PDS5B: variants seen among roughly 807,000 people sequenced by gnomAD.
The protein encoded by PDS5B is PDS5 cohesin associated factor B.
In PDS5B, 51 loss-of-function variants were observed where a neutral mutation model predicts 184.1. The observed-to-expected ratio is 0.28, with a 90% CI of 0.22 to 0.35. PDS5B has a LOEUF of 0.35. Among genes scored for constraint, PDS5B ranks in the 10% least tolerant of loss-of-function variants. PDS5B has a pLI of 1.00. For missense variants in PDS5B, 1,180 were observed against 1,723.3 expected (o/e 0.68, Z 5.58); for synonymous variants, 566 against 569.2 (o/e 0.99, Z 0.08).
intron 18 of PDS5B, among the ~76,000 whole-genome samples, chr13:32,707,987 A>G (rs1400039582): frequency 6.6e-6 from 1 of 151,892 alleles, no homozygotes; most frequent in Non-Finnish European, 1.5e-5. Flanking sequence ...TCAGTTTACC[A>G]TTGCTATGGC....
chr13:32,673,142 T>C (rs953852290), intron 7 of PDS5B, 74 bp from the exon 8 acceptor site: 1 of 1,314,840 alleles, frequency 7.6e-7, no homozygotes, highest in African/African-American at 1.5e-5. Context: ...ATGAATTTGG[T>C]CAAATAAGAT....
intron 7 of PDS5B, among the ~76,000 whole-genome samples, chr13:32,672,191 A>G (rs1052113502): frequency 1.3e-5 from 2 of 152,204 alleles, no homozygotes; most frequent in Non-Finnish European, 2.9e-5. Flanking sequence ...TTTTTCATCA[A>G]AAATAAAAAA....
intron 1 of PDS5B, among the ~76,000 whole-genome samples, chr13:32,588,169 T>C (rs2057720896): frequency 6.6e-6 from 1 of 152,174 alleles, no homozygotes; most frequent in African/African-American, 2.4e-5. Context: ...GACAATAAAA[T>C]GAGTATTCAA....
chr13:32,744,452 A>G (rs1395733372), intron 23 of PDS5B, among the ~76,000 whole-genome samples: 2 of 152,174 alleles, frequency 1.3e-5, no homozygotes, highest in African/African-American at 2.4e-5. Flanking sequence ...TTGCATTCCT[A>G]TTTAAGCAAA....
chr13:32,716,237 A>G (rs1484344335), intron 19 of PDS5B, among the ~76,000 whole-genome samples: 2 of 149,996 alleles, frequency 1.3e-5, no homozygotes, highest in African/African-American at 5.0e-5. Flanking sequence ...CCCGGCCGCC[A>G]TCCCATCTAG....
At chr13:32,750,076 C>G (rs573275892) in intron 24 of PDS5B, among the ~76,000 whole-genome samples, 1 of 152,280 alleles carries the variant, frequency 6.6e-6, no homozygotes, top group African/African-American at 2.4e-5. Context: ...ACATGATTCT[C>G]TTGAAGTACC....
At chr13:32,753,886 C>G (rs1156278019) in intron 25 of PDS5B, among the ~76,000 whole-genome samples, 2 of 152,042 alleles carry the variant, frequency 1.3e-5, no homozygotes, top group Non-Finnish European at 2.9e-5. Context: ...GTTGTTTGTT[C>G]TCACCTGTAG....
intron 19 of PDS5B, among the ~76,000 whole-genome samples, chr13:32,720,611 T>TTTTA (rs144745684): frequency 2.6e-5 from 4 of 151,372 alleles, no homozygotes; most frequent in African/African-American, 4.8e-5. Context: ...TATTTTTTAT[T>TTTTA]TTTATTTATT....
At chr13:32,750,875 G>GTC (rs1228017776) in intron 24 of PDS5B, among the ~76,000 whole-genome samples, 4 of 151,004 alleles carry the variant, frequency 2.6e-5, no homozygotes, top group African/African-American at 9.9e-5. Flanking sequence ...GTGTGTGTGT[G>GTC]TGTGTGTGTG....
intron 1 of PDS5B, 105 bp downstream of exon 1, chr13:32,586,698 G>C (rs1376797955): frequency 1.3e-5 from 2 of 150,058 alleles, no homozygotes; most frequent in Admixed American, 6.6e-5. Flanking sequence ...TGTGTGGCAG[G>C]GCTGAAGCGC....
chr13:32,777,710 A>G lies in PDS5B; in HGVS notation c.*2658A>G, dbSNP rs956136377. The G allele has an allele frequency of 3.3e-5, 5 of 152,406 alleles. No homozygotes were observed. Among genetic ancestry groups the G allele is most frequent in the African/African-American group, 1.2e-4 (5 of 41,448 alleles). 9.4% of individuals were successfully genotyped at this position (152,406 alleles called of 1,614,324 possible). ...ACATTATAATAAAATTTCTTGCTGC[A>G]GTGCAACAGGAGGCTTTTTCAGTGA... is the stretch of plus-strand genomic sequence containing the variant. On this transcript the variant is annotated 3_prime_UTR_variant, in exon 35 of 35. Coordinates refer to ENST00000315596, the MANE Select transcript of PDS5B (RefSeq NM_015032.4).
chr13:32,733,887 G>A (rs1303017639), intron 20 of PDS5B, among the ~76,000 whole-genome samples: 7 of 151,658 alleles, frequency 4.6e-5, no homozygotes, highest in Non-Finnish European at 8.8e-5. Context: ...AAATATGCAC[G>A]TGCACACATG....
At chr13:32,734,507 T>C (rs1245080162) in intron 20 of PDS5B, among the ~76,000 whole-genome samples, 3 of 152,180 alleles carry the variant, frequency 2.0e-5, no homozygotes, top group African/African-American at 4.8e-5. Flanking sequence ...CAAATTCAAG[T>C]GACTAGATGT....
intron 32 of PDS5B, 38 bp downstream of exon 32, chr13:32,770,598 A>T: frequency 3.8e-6 from 6 of 1,599,844 alleles, no homozygotes; most frequent in Non-Finnish European, 5.1e-6. Context: ...CTGTTTCGTT[A>T]CTATATTATA....
chr13:32,623,115 G>A (rs1044883956), intron 1 of PDS5B, among the ~76,000 whole-genome samples: 1 of 152,154 alleles, frequency 6.6e-6, no homozygotes, highest in Admixed American at 6.5e-5. Context: ...CCTGGGTGAG[G>A]GTTACAGGAC....
intron 23 of PDS5B, among the ~76,000 whole-genome samples, chr13:32,744,292 T>C (rs1184364244): frequency 6.6e-6 from 1 of 152,204 alleles, no homozygotes; most frequent in Non-Finnish European, 1.5e-5. Flanking sequence ...TAATGTCACT[T>C]ATGCTGTGTT....
chr13:32,661,343 G>A (rs1370667405), intron 6 of PDS5B, among the ~76,000 whole-genome samples: 8 of 119,902 alleles, frequency 6.7e-5, no homozygotes, highest in Non-Finnish European at 9.6e-5. Context: ...GAGATTGTGC[G>A]ACTGCACACT....
At chr13:32,683,213 C>T (rs1039077514) in intron 10 of PDS5B, among the ~76,000 whole-genome samples, 1 of 151,880 alleles carries the variant, frequency 6.6e-6, no homozygotes, top group Non-Finnish European at 1.5e-5. Flanking sequence ...CGAGGTTTCA[C>T]CGTGTTGGCC....
chr13:32,673,447 G>A lies in PDS5B; in HGVS notation c.846+91G>A, dbSNP rs1950986812. The stretch of plus-strand genomic sequence containing the variant: ...TTTAATTTTTACAGTAGTTTTAACT[G>A]AATGTAAGAGATGAGGGGGAAGTAT... On this transcript the variant is annotated intron_variant, in intron 8 of 34. Transcript: ENST00000315596. 2.8e-5 allele frequency: 28 copies of A among 1,015,766 alleles called. No individual in the cohort carries two copies. The South Asian group carries it at 3.8e-4, about 14-fold the overall frequency. The allele number at this position is 1,015,766 out of a possible 1,614,324, so 62.9% of individuals were successfully genotyped here.
Sources: gnomAD v4.1 joint callset for allele counts (sites outside exome capture counted in the v4.1 genomes callset) on GRCh38, gnomAD v4.1.1 for gene constraint, MANE v1.5 for transcripts, NCBI Gene and HGNC (gene_info 2026-07-23, HGNC 2026-07-21) for gene names.